Variants in RARB observed in about 807,000 individuals in gnomAD.
RARB encodes the protein HBV-activated protein.
A neutral mutation model predicts 51.9 loss-of-function variants in RARB; 17 were observed. The observed-to-expected ratio is 0.33, with a 90% CI of 0.22 to 0.49. RARB has a LOEUF of 0.49. RARB is among the 20% of genes least tolerant of loss of function. The pLI, the probability that RARB is intolerant of heterozygous loss-of-function variation, is 0.99. For missense variants in RARB, 369 were observed against 550.8 expected (o/e 0.67, Z 3.30); for synonymous variants, 215 against 195.4 (o/e 1.10, Z -0.84).
At chr3:25,144,876 G>C (rs992068338) in intron 4 of RARB, among the ~76,000 whole-genome samples, 1 of 152,212 alleles carries the variant, frequency 6.6e-6, no homozygotes. Context: ...GTGGAGTGGT[G>C]TGATGGCAGA....
At chr3:25,121,037 G>A (rs1699776267) in intron 3 of RARB, among the ~76,000 whole-genome samples, 1 of 152,134 alleles carries the variant, frequency 6.6e-6, no homozygotes, top group African/African-American at 2.4e-5. Context: ...AATATAATTT[G>A]AAAAGTGCTG....
chr3:25,264,262 C>T (rs1056401483), intron 5 of RARB, among the ~76,000 whole-genome samples: 10 of 152,076 alleles, frequency 6.6e-5, no homozygotes, highest in Admixed American at 2.6e-4. Flanking sequence ...GTGTGAACAA[C>T]GTTAAATGGA....
intron 5 of RARB, among the ~76,000 whole-genome samples, chr3:25,367,669 T>A (rs1257992201): frequency 5.5e-4 from 70 of 126,502 alleles, no homozygotes; most frequent in African/African-American, 1.9e-3. Context: ...AAAAAAAAAA[T>A]ACCAAAATTA....
chr3:25,427,119 T>A (rs1708015825), upstream of RARB, among the ~76,000 whole-genome samples: 1 of 152,084 alleles, frequency 6.6e-6, no homozygotes, highest in South Asian at 2.1e-4. Flanking sequence ...ACATGGCTAT[T>A]TGGGGTGCAA....
chr3:25,116,813 G>T (rs1699694857), intron 3 of RARB, among the ~76,000 whole-genome samples: 1 of 152,022 alleles, frequency 6.6e-6, no homozygotes, highest in East Asian at 1.9e-4. Flanking sequence ...GACTAGCTTT[G>T]TCTTCTATTG....
chr3:24,831,094 A>T (rs4496443), intron 1 of RARB, among the ~76,000 whole-genome samples: 135,264 of 152,222 alleles, frequency 0.89, 60,123 homozygotes, highest in South Asian at 0.92. Flanking sequence ...ACCTTTTGAC[A>T]GTCAGAAAGA....
chr3:25,203,207 A>G (rs1701442375), intron 5 of RARB, among the ~76,000 whole-genome samples: 1 of 151,892 alleles, frequency 6.6e-6, no homozygotes, highest in African/African-American at 2.4e-5. Context: ...GTCTCTTTTG[A>G]TCTTTGTTGG....
At chr3:25,213,002 C>T (rs563308473) in intron 5 of RARB, among the ~76,000 whole-genome samples, 1 of 152,306 alleles carries the variant, frequency 6.6e-6, no homozygotes, top group African/African-American at 2.4e-5. Context: ...GAGAAGCTCT[C>T]AGGTTTTCTT....
At chr3:25,087,070 T>C (rs1699118178) in intron 3 of RARB, among the ~76,000 whole-genome samples, 1 of 152,122 alleles carries the variant, frequency 6.6e-6, no homozygotes, top group African/African-American at 2.4e-5. Context: ...TTTGGGGTAA[T>C]ATAATTCGAT....
chr3:25,028,206 C>G (rs151067594), intron 2 of RARB, among the ~76,000 whole-genome samples: 47 of 152,232 alleles, frequency 3.1e-4, no homozygotes, highest in Non-Finnish European at 4.9e-4. Flanking sequence ...ATTCTCAGGC[C>G]CTACCTCAGA....
chr3:24,926,202 A>G (rs1695317780), intron 2 of RARB, among the ~76,000 whole-genome samples: 1 of 152,172 alleles, frequency 6.6e-6, no homozygotes, highest in Non-Finnish European at 1.5e-5. Context: ...GTTTGTTAGC[A>G]GTAAGACACT....
At chr3:24,962,423 A>C (rs898801099) in intron 2 of RARB, among the ~76,000 whole-genome samples, 6 of 152,170 alleles carry the variant, frequency 3.9e-5, no homozygotes, top group Admixed American at 2.6e-4. Context: ...GATATGTCTC[A>C]AGGCACTGCT....
At chr3:25,551,057 A>G (rs924055005) in intron 3 of RARB, among the ~76,000 whole-genome samples, 1 of 152,200 alleles carries the variant, frequency 6.6e-6, no homozygotes, top group South Asian at 2.1e-4. Context: ...GGGGTTAAGA[A>G]GGAGATGACC....
intron 3 of RARB, among the ~76,000 whole-genome samples, chr3:25,099,638 T>C (rs1699362204): frequency 1.4e-5 from 2 of 147,870 alleles, no homozygotes; most frequent in South Asian, 4.3e-4. Context: ...AAAAAAAACT[T>C]TCATTATGTA....
chr3:24,867,354 G>T (rs547803069), intron 2 of RARB, among the ~76,000 whole-genome samples: 4 of 152,120 alleles, frequency 2.6e-5, no homozygotes, highest in African/African-American at 9.7e-5. Flanking sequence ...CAAGATGGGA[G>T]TTGGTTAAAT....
chr3:25,439,707 C>T (rs1017281716), intron 1 of RARB, among the ~76,000 whole-genome samples: 2 of 152,144 alleles, frequency 1.3e-5, no homozygotes, highest in Admixed American at 1.3e-4. Flanking sequence ...TCAAATATGT[C>T]TTAAATGGAA....
At chr3:25,480,307 A>G (rs2125580677) in intron 2 of RARB, among the ~76,000 whole-genome samples, 1 of 152,358 alleles carries the variant, frequency 6.6e-6, no homozygotes, top group East Asian at 1.9e-4. Context: ...GCTATATTCC[A>G]GACCCATGTT....
chr3:25,063,799 A>G (rs1421886355), intron 3 of RARB, among the ~76,000 whole-genome samples: 1 of 151,696 alleles, frequency 6.6e-6, no homozygotes, highest in Non-Finnish European at 1.5e-5. Flanking sequence ...TTTCAGACTC[A>G]GCTTCAAGAT....
chr3:25,565,477 A>G lies in RARB; in HGVS notation c.449-4281A>G, dbSNP rs1263295475. On this transcript the variant is annotated intron_variant, in intron 3 of 7. Transcript: ENST00000330688. ...ATTATTACTGTCACTGTTTTATTGT[A>G]TGATGAATGTCTGTCTGCTACCATA... Among the ~76,000 whole-genome samples the G allele has an allele frequency of 5.9e-5, 9 of 152,134 alleles. No homozygotes were observed. The East Asian group carries it at 1.2e-3, about 20-fold the overall frequency.
Sources: gnomAD v4.1 joint callset for allele counts (sites outside exome capture counted in the v4.1 genomes callset) on GRCh38, gnomAD v4.1.1 for gene constraint, MANE v1.5 for transcripts, NCBI Gene and HGNC (gene_info 2026-07-23, HGNC 2026-07-21) for gene names.